CD109: variants seen among roughly 807,000 people sequenced by gnomAD.
CD109 encodes the protein CD109 antigen.
Under a neutral mutation model 165.8 loss-of-function variants are expected in CD109, and 149 were observed. The ratio of observed to expected loss-of-function variants is 0.90; its 90% CI spans 0.79 to 1.03. The LOEUF (loss-of-function observed/expected upper bound fraction) is 1.03, where lower values mean the gene tolerates loss of function less well. Among genes scored for constraint, CD109 ranks in the 50% least tolerant of loss-of-function variants. CD109 has a pLI of 0.00. For synonymous variants in CD109, 585 were observed against 592.1 expected (o/e 0.99, Z 0.18); for missense variants, 1,712 against 1,677.8 (o/e 1.02, Z -0.36).
intron 22 of CD109, among the ~76,000 whole-genome samples, chr6:73,792,378 C>T (rs1232074241): frequency 1.3e-5 from 2 of 152,110 alleles, no homozygotes; most frequent in Non-Finnish European, 2.9e-5. Context: ...ATTTATGCCA[C>T]ATGCTTAACT....
At chr6:73,791,178 C>T (rs7767656) in intron 22 of CD109, among the ~76,000 whole-genome samples, 18,726 of 40,224 alleles carry the variant, frequency 0.47, 3,591 homozygotes, top group East Asian at 0.59. Context: ...TATATATATA[C>T]ACACACACAC....
At chr6:73,771,758 G>A (rs1384191720) in intron 15 of CD109, among the ~76,000 whole-genome samples, 177 bp downstream of exon 15, 1 of 152,234 alleles carries the variant, frequency 6.6e-6, no homozygotes, top group Non-Finnish European at 1.5e-5. Flanking sequence ...ATGTTGGAAA[G>A]AAGCTTATGT....
intron 16 of CD109, among the ~76,000 whole-genome samples, 187 bp from the exon 17 acceptor site, chr6:73,781,072 G>A (rs1181637122): frequency 6.7e-6 from 1 of 150,280 alleles, no homozygotes; most frequent in Non-Finnish European, 1.5e-5. Flanking sequence ...GAGTGAGAAA[G>A]GTTGATGTGT....
At position 73,697,124 on chromosome 6, in the gene CD109, C is replaced by G. The variant is rs75046328; in HGVS notation, c.75-276C>G. Reference sequence around the variant, plus strand: ...CAAGCCATTTACATCATGGTTCCTTCTGTGCGGTTCGTGGTTTATAAAATG... The same window carrying G: ...CAAGCCATTTACATCATGGTTCCTTGTGTGCGGTTCGTGGTTTATAAAATG... On this transcript the variant is annotated intron_variant, in intron 1 of 32. Transcript: ENST00000287097. Among the ~76,000 whole-genome samples the G allele has an allele frequency of 8.9e-3, 1,349 of 152,308 alleles. 10 individuals are homozygous for G. The highest frequency in any genetic ancestry group is 0.014 in the Middle Eastern group (4 of 294).
At chr6:73,822,008 T>A (rs1776125617) in intron 32 of CD109, among the ~76,000 whole-genome samples, 1 of 152,244 alleles carries the variant, frequency 6.6e-6, no homozygotes, top group South Asian at 2.1e-4. Flanking sequence ...AAACTTACAC[T>A]TGATAACAGA....
chr6:73,804,207 A>T (rs1007668715), intron 24 of CD109: 2 of 152,258 alleles, frequency 1.3e-5, no homozygotes, highest in African/African-American at 4.8e-5. Context: ...ATATTATTGA[A>T]TATCAGTAAT....
At chr6:73,746,251 G>GA (rs1772980709) in intron 5 of CD109, among the ~76,000 whole-genome samples, 1 of 152,194 alleles carries the variant, frequency 6.6e-6, no homozygotes, top group Non-Finnish European at 1.5e-5. Flanking sequence ...GGGAGTTTTG[G>GA]AAAATGATAA....
At chr6:73,786,927 G>A (rs1298037991) in intron 20 of CD109, among the ~76,000 whole-genome samples, 1 of 152,178 alleles carries the variant, frequency 6.6e-6, no homozygotes. Flanking sequence ...ATATGAAATA[G>A]CCTTTCTGTG....
chr6:73,739,847 A>G (rs1475217441), intron 5 of CD109, among the ~76,000 whole-genome samples: 1 of 150,698 alleles, frequency 6.6e-6, no homozygotes, highest in Non-Finnish European at 1.5e-5. Context: ...TACTCTGGCT[A>G]AAAAAAAAGG....
At chr6:73,820,198 A>C (rs3012571) in intron 31 of CD109, among the ~76,000 whole-genome samples, 85,418 of 152,028 alleles carry the variant, frequency 0.56, 24,375 homozygotes, top group African/African-American at 0.66. Flanking sequence ...CATGCACCCT[A>C]AGGCTTGCTG....
intron 32 of CD109, among the ~76,000 whole-genome samples, chr6:73,822,012 TAACAGATTTTTAA>T (rs1776125848): frequency 6.6e-6 from 1 of 152,240 alleles, no homozygotes; most frequent in Non-Finnish European, 1.5e-5. Flanking sequence ...TTACACTTGA[TAACAGATTTTTAA>T]AAGTGTGTCA....
upstream of CD109, among the ~76,000 whole-genome samples, chr6:73,693,186 C>T (rs775546896): frequency 2.0e-5 from 3 of 151,816 alleles, no homozygotes; most frequent in Non-Finnish European, 2.9e-5. Flanking sequence ...TACAATTCTG[C>T]AGGCTGTTCA....
chr6:73,715,850 A>T (rs1402277728), intron 2 of CD109, among the ~76,000 whole-genome samples: 1 of 152,176 alleles, frequency 6.6e-6, no homozygotes, highest in Non-Finnish European at 1.5e-5. Flanking sequence ...TGTGCTATCA[A>T]ATACTAGGTC....
At chr6:73,814,143 G>A (rs1775848140) in intron 29 of CD109, among the ~76,000 whole-genome samples, 1 of 151,996 alleles carries the variant, frequency 6.6e-6, no homozygotes, top group African/African-American at 2.4e-5. Context: ...AGGGGTATTA[G>A]ATGTTAGTTC....
intron 2 of CD109, among the ~76,000 whole-genome samples, chr6:73,717,268 T>A (rs1380138599): frequency 6.6e-6 from 1 of 151,886 alleles, no homozygotes; most frequent in Non-Finnish European, 1.5e-5. Flanking sequence ...GGGTCTTTGG[T>A]GGTTCCATAA....
rs1772328292 is a variant in CD109, at chr6:73,730,541, G to A, written c.474G>A (p.Lys158=). The A allele has an allele frequency of 6.2e-7, 1 of 1,613,834 alleles. No homozygotes were observed. The highest frequency in any genetic ancestry group is 2.2e-5 in the East Asian group (1 of 44,884). ...FRIVTLFSDF[K]PYKTSLNILI... The stretch of plus-strand genomic sequence containing the variant: ...TTGTTACACTCTTCTCAGATTTTAA[G>A]CCTTACAAAACCTCTTTAAACATTC... The change falls in exon 4 of 33, where the codon AAG becomes AAA. Residue 158 remains lysine, a synonymous_variant. Transcript: ENST00000287097.
intron 4 of CD109, among the ~76,000 whole-genome samples, chr6:73,731,003 A>T (rs780221922): frequency 6.6e-6 from 1 of 152,150 alleles, no homozygotes; most frequent in Middle Eastern, 3.2e-3. Flanking sequence ...ATGAGAGAGA[A>T]AAAGGGAGTG....
chr6:73,794,493 C>G (rs1443978083), intron 23 of CD109, among the ~76,000 whole-genome samples: 1 of 152,086 alleles, frequency 6.6e-6, no homozygotes, highest in Non-Finnish European at 1.5e-5. Context: ...TATGGGGTGT[C>G]AGATTAGACT....
intron 25 of CD109, 62 bp from the exon 26 acceptor site, chr6:73,808,021 T>C: frequency 6.9e-7 from 1 of 1,454,164 alleles, no homozygotes; most frequent in Non-Finnish European, 9.4e-7. Context: ...AAGTACTTTT[T>C]GTTTCAGTAT....
Sources: allele counts gnomAD v4.1 joint callset (sites outside exome capture counted in the v4.1 genomes callset), GRCh38; gene constraint gnomAD v4.1.1; transcripts MANE v1.5; gene names NCBI Gene and HGNC (gene_info 2026-07-23, HGNC 2026-07-21).